Variants in LRRTM4 observed in about 807,000 individuals in gnomAD.
LRRTM4 encodes leucine-rich repeat transmembrane neuronal protein 4.
In LRRTM4, 25 loss-of-function variants were observed where a neutral mutation model predicts 47.6. That is an observed-to-expected ratio of 0.53 (90% CI 0.38 to 0.73). The LOEUF is 0.73. Ranked by LOEUF, LRRTM4 falls within the 30% of genes least tolerant of loss-of-function variation. The pLI is 0.00. For synonymous variants in LRRTM4, 311 were observed against 269.5 expected (o/e 1.15, Z -1.51); for missense variants, 638 against 713.4 (o/e 0.89, Z 1.20).
intron 3 of LRRTM4, among the ~76,000 whole-genome samples, chr2:77,207,313 T>C (rs1385534108): frequency 6.9e-6 from 1 of 145,554 alleles, no homozygotes; most frequent in Non-Finnish European, 1.5e-5. Flanking sequence ...TATATACACA[T>C]GTATGTGTTT....
At chr2:76,952,217 G>T (rs952208013) in intron 3 of LRRTM4, among the ~76,000 whole-genome samples, 2 of 151,932 alleles carry the variant, frequency 1.3e-5, no homozygotes, top group African/African-American at 4.8e-5. Flanking sequence ...TTATTTTCCT[G>T]TTTGAATGAC....
At chr2:76,915,883 TAA>T (rs1381411413) in intron 3 of LRRTM4, among the ~76,000 whole-genome samples, 3 of 152,124 alleles carry the variant, frequency 2.0e-5, no homozygotes, top group African/African-American at 7.2e-5. Context: ...GATTATTAAA[TAA>T]TAAGTAATAA....
chr2:77,133,045 A>G (rs1189531909), intron 3 of LRRTM4, among the ~76,000 whole-genome samples: 6 of 152,202 alleles, frequency 3.9e-5, no homozygotes, highest in African/African-American at 1.2e-4. Flanking sequence ...GTAAATATCT[A>G]TCAGAACTGA....
chr2:77,488,695 C>T (rs1678021476), intron 3 of LRRTM4, among the ~76,000 whole-genome samples: 2 of 152,160 alleles, frequency 1.3e-5, no homozygotes, highest in South Asian at 2.1e-4. Context: ...AGTTCTAATT[C>T]TATGATCTAG....
At chr2:77,206,921 A>G (rs980569711) in intron 3 of LRRTM4, among the ~76,000 whole-genome samples, 1 of 152,040 alleles carries the variant, frequency 6.6e-6, no homozygotes, top group Non-Finnish European at 1.5e-5. Flanking sequence ...AATATAAACT[A>G]GAACCCAAAA....
At chr2:77,219,200 T>C (rs765772494) in intron 3 of LRRTM4, among the ~76,000 whole-genome samples, 26 of 152,192 alleles carry the variant, frequency 1.7e-4, no homozygotes, top group Non-Finnish European at 1.9e-4. Flanking sequence ...CAACTATAAA[T>C]TCTTCCATGA....
chr2:77,024,343 CTTCT>C (rs372270075), intron 3 of LRRTM4, among the ~76,000 whole-genome samples: 1 of 151,928 alleles, frequency 6.6e-6, no homozygotes, highest in African/African-American at 2.4e-5. Context: ...AGTATTTGTC[CTTCT>C]GTGTCTGGCT....
At chr2:76,763,454 T>C (rs1261947828) in intron 3 of LRRTM4, among the ~76,000 whole-genome samples, 1 of 152,248 alleles carries the variant, frequency 6.6e-6, no homozygotes, top group Non-Finnish European at 1.5e-5. Flanking sequence ...GCACACAGTC[T>C]GTGGTCACCC....
At chr2:77,370,991 G>C (rs546951506) in intron 3 of LRRTM4, among the ~76,000 whole-genome samples, 4 of 151,796 alleles carry the variant, frequency 2.6e-5, no homozygotes, top group African/African-American at 9.6e-5. Context: ...CAATTAGTTG[G>C]TTGGGGAGGA....
intron 3 of LRRTM4, among the ~76,000 whole-genome samples, chr2:77,330,187 G>T (rs978413916): frequency 5.9e-5 from 9 of 152,140 alleles, no homozygotes; most frequent in African/African-American, 2.2e-4. Flanking sequence ...AGTAATCTGG[G>T]GGGGCAGGAC....
chr2:76,786,669 C>A (rs1211520869), intron 3 of LRRTM4, among the ~76,000 whole-genome samples: 2 of 152,012 alleles, frequency 1.3e-5, no homozygotes, highest in Admixed American at 6.6e-5. Context: ...TGCATTCAGA[C>A]AACTTCCTCC....
intron 3 of LRRTM4, among the ~76,000 whole-genome samples, chr2:77,008,801 C>T (rs183615794): frequency 1.2e-4 from 18 of 152,152 alleles, no homozygotes; most frequent in Admixed American, 2.0e-4. Flanking sequence ...CATGACGAGG[C>T]GCCGGCAATG....
intron 3 of LRRTM4, among the ~76,000 whole-genome samples, chr2:77,408,438 T>C (rs1674295024): frequency 6.6e-6 from 1 of 152,226 alleles, no homozygotes; most frequent in Non-Finnish European, 1.5e-5. Context: ...AATAAGTCAT[T>C]AAAACACGCT....
At chr2:76,848,212 A>AGTT (rs1198250115) in intron 3 of LRRTM4, among the ~76,000 whole-genome samples, 1 of 152,130 alleles carries the variant, frequency 6.6e-6, no homozygotes, top group African/African-American at 2.4e-5. Flanking sequence ...TGTGAGCAAT[A>AGTT]GTTATTCATG....
chr2:76,912,821 T>C (rs1166255804), intron 3 of LRRTM4, among the ~76,000 whole-genome samples: 1 of 152,176 alleles, frequency 6.6e-6, no homozygotes, highest in African/African-American at 2.4e-5. Context: ...ACTCTCATCC[T>C]CCTGTGCTGG....
intron 3 of LRRTM4, chr2:76,987,576 GATGTGGTAACAATTTC>G (rs1302303421): frequency 4.5e-4 from 69 of 151,986 alleles, no homozygotes; most frequent in African/African-American, 1.6e-3. Flanking sequence ...TCTAAGTAAT[GATGTGGTAACAATTTC>G]AAAATTTCAA....
intron 3 of LRRTM4, among the ~76,000 whole-genome samples, chr2:76,759,168 T>C (rs994750832): frequency 4.6e-5 from 7 of 152,130 alleles, no homozygotes; most frequent in African/African-American, 1.7e-4. Context: ...TCAAGGAGTT[T>C]ATTAAGAACT....
At chr2:77,344,610 T>C (rs1180014326) in intron 3 of LRRTM4, among the ~76,000 whole-genome samples, 1 of 151,728 alleles carries the variant, frequency 6.6e-6, no homozygotes, top group East Asian at 1.9e-4. Flanking sequence ...AGAAAGATTA[T>C]GATATGGAAA....
In LRRTM4 at chr2:77,521,789, C is replaced by A. The variant is rs1273967142; in HGVS notation, c.-118G>T. ...CGGCTGTCATTCACACCATTCTGAT[C>A]CCGCATGTGAGCTAGTAGCCCCATA... On this transcript the variant is annotated 5_prime_UTR_variant, in exon 2 of 4. Coordinates refer to ENST00000409884, the MANE Select transcript of LRRTM4 (RefSeq NM_001134745.3). 1.8e-6 allele frequency: 2 copies of A among 1,086,038 alleles called. No homozygotes were observed. Among genetic ancestry groups the A allele is most frequent in the Admixed American group, 1.9e-5 (1 of 53,782 alleles). The allele number at this position is 1,086,038 out of a possible 1,614,324, so 67.3% of individuals were successfully genotyped here. A position where few individuals can be genotyped will look rare whatever the true frequency, so the allele number is the denominator to read the frequency against.
Sources: allele counts gnomAD v4.1 joint callset (sites outside exome capture counted in the v4.1 genomes callset), GRCh38; gene constraint gnomAD v4.1.1; transcripts MANE v1.5; gene names NCBI Gene and HGNC (gene_info 2026-07-23, HGNC 2026-07-21).